The following POR variants were observed in gnomAD, a reference collection of about 807,000 sequenced individuals.
POR encodes the protein cytochrome p450 oxidoreductase.
Under a neutral mutation model 84.0 loss-of-function variants are expected in POR, and 56 were observed. The ratio of observed to expected loss-of-function variants is 0.67; its 90% CI spans 0.54 to 0.83. POR has a LOEUF of 0.83. POR is among the 40% of genes least tolerant of loss of function. The probability of loss-of-function intolerance (pLI) is 0.00; values close to 1 mark genes in which losing one functional copy is unlikely to be tolerated. For missense variants in POR, 938 were observed against 944.3 expected, an observed-to-expected ratio of 0.99 and a Z score of 0.09; for synonymous variants, 414 against 400.5, an observed-to-expected ratio of 1.03 and a Z score of -0.40.
At chr7:75,952,790 T>C (rs1205424156) in intron 1 of POR, among the ~76,000 whole-genome samples, 2 of 144,496 alleles carry the variant, frequency 1.4e-5, no homozygotes, top group African/African-American at 5.2e-5. Context: ...CGCTCCTCAC[T>C]TCCTAGATGG....
At chr7:75,938,885 C>T (rs1563406390) in intron 1 of POR, among the ~76,000 whole-genome samples, 1 of 152,256 alleles carries the variant, frequency 6.6e-6, no homozygotes, top group Non-Finnish European at 1.5e-5. Context: ...CACGCTTCCT[C>T]TATCGGTAGC....
rs782744411 is a variant in POR, at chr7:75,954,279, C to T, written c.188+99C>T. The T allele has an allele frequency of 4.2e-5, 54 of 1,284,134 alleles. No individual in the cohort carries two copies. In the South Asian group the frequency reaches 7.0e-4, roughly 17 times the overall value. The allele number at this position is 1,284,134 out of a possible 1,614,324, so 79.5% of individuals were successfully genotyped here. A position where few individuals can be genotyped will look rare whatever the true frequency, so the allele number is the denominator to read the frequency against. On this transcript the variant is annotated intron_variant, in intron 2 of 15. Coordinates refer to ENST00000461988, the MANE Select transcript of POR (RefSeq NM_000941.3). ...CCTCAGGCTGAAAGAAGCAAGGCTCCTTGTAGCATTTTGGGGTGACTCTTG... is the reference window on the plus strand; with the variant it reads ...CCTCAGGCTGAAAGAAGCAAGGCTCTTTGTAGCATTTTGGGGTGACTCTTG...
chr7:75,973,543 C>A (rs1442743828), intron 3 of POR, among the ~76,000 whole-genome samples: 1 of 151,698 alleles, frequency 6.6e-6, no homozygotes, highest in Non-Finnish European at 1.5e-5. Context: ...GTCTTGAACT[C>A]CTGGCCTCAA....
intron 1 of POR, chr7:75,921,047 G>C (rs916839970): frequency 6.6e-6 from 1 of 152,200 alleles, no homozygotes; most frequent in African/African-American, 2.4e-5. Flanking sequence ...CGTTCCTTAC[G>C]TAACGTGATT....
At position 75,985,759 on chromosome 7, in the gene POR, G is replaced by T. The variant is rs782194844; in HGVS notation, c.1579G>T (p.Ala527Ser). The T allele has an allele frequency of 2.5e-6, 4 of 1,580,522 alleles. No homozygotes were observed. Among genetic ancestry groups the T allele is most frequent in the Non-Finnish European group, 3.4e-6 (4 of 1,164,592 alleles). The change falls in exon 13 of 16, where the codon GCC (alanine) becomes TCC (serine). Residue 527 changes from alanine (A) to serine (S), a missense_variant. Transcript: ENST00000461988. ...GTCCCAGTTCCGCCTGCCCTTCAAG[G>T]CCACCACGCCTGTCATCATGGTGGG... is the stretch of plus-strand genomic sequence containing the variant.
intron 1 of POR, among the ~76,000 whole-genome samples, chr7:75,937,117 G>A (rs1478778574): frequency 2.0e-5 from 3 of 151,312 alleles, no homozygotes; most frequent in South Asian, 2.1e-4. Context: ...GTGAGCCACC[G>A]CATCCGGCCG....
chr7:75,934,120 A>AGAGT (rs1247005618), intron 1 of POR, among the ~76,000 whole-genome samples: 2 of 91,308 alleles, frequency 2.2e-5, no homozygotes, highest in Non-Finnish European at 4.1e-5. Context: ...CCAAGACCTC[A>AGAGT]GAGTGTGTGT....
chr7:75,982,281 G>T lies in POR; in HGVS notation c.789G>T (p.Met263Ile). 6.2e-7 allele frequency: 1 copy of T among 1,612,802 alleles called. No individual in the cohort carries two copies. Among genetic ancestry groups the T allele is most frequent in the Non-Finnish European group, 8.5e-7 (1 of 1,179,528 alleles). The change falls in exon 8 of 16, where the codon ATG becomes ATT. Residue 263 changes from methionine to isoleucine, a missense_variant. Transcript: ENST00000461988. ...ACATAGATGCGGCCAAGGTGTACATGGGGGAGATGGGCCGGCTGAAGAGCT... is the reference window on the plus strand; with the variant it reads ...ACATAGATGCGGCCAAGGTGTACATTGGGGAGATGGGCCGGCTGAAGAGCT...
chr7:75,974,644 A>G (rs1324653531), intron 3 of POR, among the ~76,000 whole-genome samples: 3 of 146,072 alleles, frequency 2.1e-5, no homozygotes, highest in Non-Finnish European at 4.4e-5. Context: ...CTCATGCCTC[A>G]TTCTCCTGAG....
chr7:75,985,238 C>A, intron 12 of POR, 31 bp downstream of exon 12: 1 of 1,559,478 alleles, frequency 6.4e-7, no homozygotes, highest in South Asian at 1.2e-5. Context: ...GCCAGCCACA[C>A]GCTGGAGGCC....
chr7:75,973,164 T>A (rs973773371), intron 3 of POR, among the ~76,000 whole-genome samples: 13 of 152,134 alleles, frequency 8.5e-5, no homozygotes, highest in African/African-American at 3.1e-4. Context: ...TACATTTACA[T>A]AGTTAAAATA....
intron 2 of POR, among the ~76,000 whole-genome samples, chr7:75,965,574 T>C (rs1788142377): frequency 6.6e-6 from 1 of 152,176 alleles, no homozygotes; most frequent in African/African-American, 2.4e-5. Context: ...CAGATGATCT[T>C]ACTGTCTGAG....
intron 1 of POR, among the ~76,000 whole-genome samples, chr7:75,953,314 AGGGAGGGGGAGG>A (rs797042880): frequency 5.6e-5 from 2 of 35,632 alleles, no homozygotes; most frequent in South Asian, 1.2e-3. Flanking sequence ...CCGTGGAAAG[AGGGAGGGGGAGG>A]GGGAGGGGGA....
At chr7:75,957,545 G>A (rs1585108570) in intron 2 of POR, among the ~76,000 whole-genome samples, 1 of 54,794 alleles carries the variant, frequency 1.8e-5, no homozygotes, top group African/African-American at 3.3e-5. Flanking sequence ...GGGAGCCTGC[G>A]GAGCTTGCCA....
chr7:75,985,076 G>A lies in POR; in HGVS notation c.1267G>A (p.Val423Met). 6.3e-7 allele frequency: 1 copy of A among 1,599,076 alleles called. No individual in the cohort carries two copies. The highest frequency in any genetic ancestry group is 8.5e-7 in the Non-Finnish European group (1 of 1,178,868). Residue 423 changes from valine to methionine, a missense_variant, in exon 12 of 16, where the codon GTG becomes ATG. By Grantham distance (21) the Val-to-Met change is conservative (BLOSUM62 1). Transcript: ENST00000461988. Reference sequence around the variant, plus strand: ...CTCTTAGGAGCTGTACCTGAGCTGGGTGGTGGAGGCCCGGAGGCACATCCT... The same window carrying A: ...CTCTTAGGAGCTGTACCTGAGCTGGATGGTGGAGGCCCGGAGGCACATCCT...
At chr7:75,973,599 C>T (rs951170075) in intron 3 of POR, among the ~76,000 whole-genome samples, 1 of 149,930 alleles carries the variant, frequency 6.7e-6, no homozygotes, top group East Asian at 2.0e-4. Context: ...ACTGTAGGTG[C>T]GAGCCATTGC....
At chr7:75,977,549 G>A (rs1788752540) in intron 3 of POR, among the ~76,000 whole-genome samples, 1 of 152,222 alleles carries the variant, frequency 6.6e-6, no homozygotes, top group South Asian at 2.1e-4. Flanking sequence ...GCCAAGGTGG[G>A]CAGATCACCT....
At chr7:75,953,729 G>C (rs1404247748) in intron 1 of POR, among the ~76,000 whole-genome samples, 1 of 152,196 alleles carries the variant, frequency 6.6e-6, no homozygotes, top group Admixed American at 6.5e-5. Context: ...CCCAGTCCCA[G>C]CTGCTGCCTT....
At chr7:75,943,756 C>T in intron 1 of POR, 1 of 442,896 alleles carries the variant, frequency 2.3e-6, no homozygotes, top group Non-Finnish European at 4.4e-6. Context: ...TTGGTAACGT[C>T]TTTAGATTCA....
Sources: gnomAD v4.1 joint callset for allele counts (sites outside exome capture counted in the v4.1 genomes callset) on GRCh38, gnomAD v4.1.1 for gene constraint, MANE v1.5 for transcripts, NCBI Gene and HGNC (gene_info 2026-07-23, HGNC 2026-07-21) for gene names.